Variants in DSCAML1 observed in about 807,000 individuals in gnomAD.
DSCAML1 encodes the protein cell adhesion molecule DSCAML1.
A neutral mutation model predicts 200.5 loss-of-function variants in DSCAML1; 38 were observed. The observed-to-expected ratio is 0.19, with a 90% CI of 0.15 to 0.25. The LOEUF is 0.25. DSCAML1 is among the 10% of genes least tolerant of loss of function. The pLI, the probability that DSCAML1 is intolerant of heterozygous loss-of-function variation, is 1.00. For synonymous variants in DSCAML1, 1,215 were observed against 1,165.0 expected (o/e 1.04, Z -0.87); for missense variants, 2,223 against 2,858.8 (o/e 0.78, Z 5.07).
At chr11:117,485,409 C>A (rs1042932724) in intron 11 of DSCAML1, among the ~76,000 whole-genome samples, 1 of 152,212 alleles carries the variant, frequency 6.6e-6, no homozygotes, top group African/African-American at 2.4e-5. Flanking sequence ...ACAACTCTTA[C>A]AGTCCCCTAG....
chr11:117,713,881 T>C (rs890492289), intron 3 of DSCAML1, among the ~76,000 whole-genome samples: 1 of 152,176 alleles, frequency 6.6e-6, no homozygotes, highest in Non-Finnish European at 1.5e-5. Context: ...TGGAACCACC[T>C]GCCAGCCACT....
chr11:117,788,002 T>C (rs928058838), intron 1 of DSCAML1, among the ~76,000 whole-genome samples: 29 of 152,148 alleles, frequency 1.9e-4, no homozygotes, highest in Admixed American at 8.5e-4. Context: ...ACCCACCAAG[T>C]CCATTCAAAA....
At chr11:117,797,311 G>T, upstream of DSCAML1, 1 of 1,306,610 alleles carries the variant, frequency 7.7e-7, no homozygotes. Context: ...CGGCACCCCG[G>T]GTGGTGAGCG....
chr11:117,654,513 A>G (rs2052695024), intron 3 of DSCAML1, among the ~76,000 whole-genome samples: 1 of 152,186 alleles, frequency 6.6e-6, no homozygotes, highest in Non-Finnish European at 1.5e-5. Context: ...CCCATCCATG[A>G]GATAGGGCAC....
chr11:117,605,160 C>A (rs2051539866), intron 3 of DSCAML1, among the ~76,000 whole-genome samples: 1 of 152,132 alleles, frequency 6.6e-6, no homozygotes, highest in Non-Finnish European at 1.5e-5. Context: ...TCTGGAGTAG[C>A]TGAGACTACA....
chr11:117,756,730 AC>A (rs2054700680), intron 3 of DSCAML1, among the ~76,000 whole-genome samples: 1 of 151,730 alleles, frequency 6.6e-6, no homozygotes, highest in African/African-American at 2.4e-5. Flanking sequence ...CTGGTGAAAA[AC>A]CCGGTTCCAG....
At chr11:117,698,781 T>C (rs1026221768) in intron 3 of DSCAML1, among the ~76,000 whole-genome samples, 3 of 152,194 alleles carry the variant, frequency 2.0e-5, no homozygotes, top group Non-Finnish European at 4.4e-5. Flanking sequence ...AACCATGATG[T>C]TTTTAGAAAC....
intron 3 of DSCAML1, among the ~76,000 whole-genome samples, chr11:117,762,644 C>T (rs527862066): frequency 6.6e-6 from 1 of 152,224 alleles, no homozygotes; most frequent in East Asian, 1.9e-4. Context: ...GGGTGGATCA[C>T]TTGAGGTCAG....
intron 1 of DSCAML1, among the ~76,000 whole-genome samples, chr11:117,809,130 C>T (rs1040749534): frequency 2.0e-5 from 3 of 152,222 alleles, no homozygotes; most frequent in Non-Finnish European, 4.4e-5. Flanking sequence ...CTTCCAGATC[C>T]GTTGGGAATG....
chr11:117,505,026 C>T lies in DSCAML1; in HGVS notation c.2080G>A (p.Val694Met). The change falls in exon 10 of 33, where the codon GTG (valine) becomes ATG (methionine). Residue 694 changes from valine to methionine, a missense_variant. Physicochemically the swap from Val to Met is conservative, Grantham distance 21. Transcript: ENST00000651296. This position sits in a 1 kb window ranked among gnomAD's most constrained non-coding sequence, Gnocchi z 6.7. ...ATGCCATCCTGGTTGTTGGGTTGCA[C>T]CACAAATCGAGGGGGCACTGCAGAA... ...LIVRVPPRFV[V>M]QPNNQDGIYG... The T allele has an allele frequency of 1.9e-6, 3 of 1,611,890 alleles. No individual in the cohort carries two copies. The highest frequency in any genetic ancestry group is 2.5e-6 in the Non-Finnish European group (3 of 1,178,826).
chr11:117,443,491 C>T (rs1372178532), intron 21 of DSCAML1, among the ~76,000 whole-genome samples: 6 of 152,268 alleles, frequency 3.9e-5, no homozygotes, highest in African/African-American at 1.4e-4. Context: ...GGGGGCTCTC[C>T]TTTGAGCCTC....
Position 117,769,353 on chromosome 11 carries a change from TTATATA to T in DSCAML1, c.511+7432_511+7437del, listed in dbSNP as rs1555029986. Among the ~76,000 whole-genome samples, 4 of 3,130 alleles carry T rather than the reference TTATATA, an allele frequency of 1.3e-3. 1 individual carries two copies. Among genetic ancestry groups the T allele is most frequent in the Non-Finnish European group, 4.5e-3 (3 of 668 alleles). The allele number at this position is 3,130 out of a possible 152,430, so 2.1% of individuals were successfully genotyped here. A position where few individuals can be genotyped will look rare whatever the true frequency, so the allele number is the denominator to read the frequency against. On this transcript the variant is annotated intron_variant, in intron 3 of 32. Coordinates refer to ENST00000651296, the MANE Select transcript of DSCAML1 (RefSeq NM_020693.4). Reference sequence around the variant, plus strand: ...ATATATAATATATATTTTATATATATTATATATTTTATATAATATATATTTTATATA... The same window carrying T: ...ATATATAATATATATTTTATATATATTTTTATATAATATATATTTTATATA...
intron 1 of DSCAML1, among the ~76,000 whole-genome samples, chr11:117,815,265 G>T (rs1171315539): frequency 6.6e-6 from 1 of 152,220 alleles, no homozygotes; most frequent in Non-Finnish European, 1.5e-5. Flanking sequence ...AAAAGTCACA[G>T]CTCCTTGACG....
intron 1 of DSCAML1, among the ~76,000 whole-genome samples, chr11:117,785,831 GAGGGCCCATT>G (rs911393912): frequency 6.6e-6 from 1 of 152,170 alleles, no homozygotes; most frequent in Admixed American, 6.5e-5. Context: ...GTATGAGGTG[GAGGGCCCATT>G]AGTCTCATTT....
intron 1 of DSCAML1, among the ~76,000 whole-genome samples, chr11:117,792,282 A>T (rs2055482036): frequency 6.6e-6 from 1 of 152,098 alleles, no homozygotes; most frequent in South Asian, 2.1e-4. Flanking sequence ...AAGGCTTTGG[A>T]GCTGCACCTG....
At chr11:117,525,310 CT>C (rs929675501) in intron 4 of DSCAML1, among the ~76,000 whole-genome samples, 1 of 152,096 alleles carries the variant, frequency 6.6e-6, no homozygotes, top group Non-Finnish European at 1.5e-5. Context: ...CCAGCAGGGG[CT>C]GGGAGGAGGA....
intron 3 of DSCAML1, among the ~76,000 whole-genome samples, chr11:117,756,563 T>C (rs1445088675): frequency 1.3e-5 from 2 of 152,130 alleles, no homozygotes; most frequent in Non-Finnish European, 2.9e-5. Flanking sequence ...GAGACAATTT[T>C]TGTAGCTCCT....
intron 3 of DSCAML1, among the ~76,000 whole-genome samples, chr11:117,541,045 T>C (rs1177085374): frequency 6.6e-6 from 1 of 152,240 alleles, no homozygotes; most frequent in Non-Finnish European, 1.5e-5. Context: ...TAAGGAATGT[T>C]GGAGCTGCAA....
chr11:117,500,532 A>C (rs1313761198), intron 11 of DSCAML1, among the ~76,000 whole-genome samples: 2 of 113,352 alleles, frequency 1.8e-5, no homozygotes, highest in East Asian at 5.0e-4. Context: ...CAGTAATTCC[A>C]AACTTACCGG....
Sources: allele counts gnomAD v4.1 joint callset (sites outside exome capture counted in the v4.1 genomes callset), GRCh38; gene constraint gnomAD v4.1.1; non-coding constraint Gnocchi (gnomAD v3.1); transcripts MANE v1.5; gene names NCBI Gene and HGNC (gene_info 2026-07-23, HGNC 2026-07-21).